Variants in PLA2G2C observed in about 807,000 individuals in gnomAD.
The protein encoded by PLA2G2C is putative inactive group IIC secretory phospholipase A2.
Under a neutral mutation model 14.3 loss-of-function variants are expected in PLA2G2C, and 15 were observed. The ratio of observed to expected loss-of-function variants is 1.05; its 90% CI spans 0.70 to 1.62. The LOEUF is 1.62. Among genes scored for constraint, PLA2G2C ranks in the 40% most tolerant of loss-of-function variants. PLA2G2C has a pLI of 0.00. For missense variants in PLA2G2C, 162 were observed against 173.2 expected (o/e 0.94, Z 0.36); for synonymous variants, 79 against 67.7 (o/e 1.17, Z -0.82).
At chr1:20,175,892 C>T (rs575607069) in intron 2 of PLA2G2C, among the ~76,000 whole-genome samples, 4 of 151,400 alleles carry the variant, frequency 2.6e-5, no homozygotes, top group South Asian at 2.1e-4. Flanking sequence ...TCATAATAAG[C>T]GTGTGTTCCC....
intron 1 of PLA2G2C, among the ~76,000 whole-genome samples, chr1:20,178,491 G>A (rs1438658856): frequency 6.6e-6 from 1 of 152,130 alleles, no homozygotes; most frequent in Non-Finnish European, 1.5e-5. Flanking sequence ...TTCCCCCTTT[G>A]GCAACATTCT....
chr1:20,164,498 A>C (rs1428016493), intron 4 of PLA2G2C, among the ~76,000 whole-genome samples: 1 of 152,194 alleles, frequency 6.6e-6, no homozygotes, highest in Non-Finnish European at 1.5e-5. Flanking sequence ...ACATCTGGGC[A>C]TCCCACGAGT....
At chr1:20,165,775 C>T (rs572829415) in intron 4 of PLA2G2C, among the ~76,000 whole-genome samples, 20 of 151,802 alleles carry the variant, frequency 1.3e-4, no homozygotes, top group African/African-American at 4.1e-4. Flanking sequence ...TGTGTATGTG[C>T]GTGCGCATGT....
chr1:20,168,383 A>G lies in PLA2G2C; in HGVS notation c.284-4226T>C, dbSNP rs2018012066. ...CAGCAGACCCCACACTGCTTAGTCC[A>G]GGGGCATCATTCCCTGTGGGCTCTA... On this transcript the variant is annotated intron_variant, in intron 4 of 4. Coordinates refer to ENST00000679259, the MANE Select transcript of PLA2G2C (RefSeq NM_001367969.2). Among the ~76,000 whole-genome samples, 4 of 152,228 alleles carry G rather than the reference A, an allele frequency of 2.6e-5. No homozygotes were observed. The South Asian group carries it at 8.3e-4, about 32-fold the overall frequency.
rs780076737 is a variant in PLA2G2C, at chr1:20,172,813, G to T, written c.264C>A (p.Ile88=). The change falls in exon 4 of 5, where the codon ATC becomes ATA. Residue 88 remains isoleucine (I), a synonymous_variant. Coordinates refer to ENST00000679259, the MANE Select transcript of PLA2G2C (RefSeq NM_001367969.2). The stretch of plus-strand genomic sequence containing the variant: ...ACTCACAAACCACTGCGCCATTGAC[G>T]ATGTGGAACTGGTAGCTGTTCAACA... ...QPVLNSYQFH[I]VNGAVVCGCT... The T allele has an allele frequency of 1.9e-6, 3 of 1,613,602 alleles. No homozygotes were observed. Among genetic ancestry groups the T allele is most frequent in the Non-Finnish European group, 2.5e-6 (3 of 1,179,652 alleles).
rs78123667 is a variant in PLA2G2C at position 20,167,512 on chromosome 1, G to A, written c.284-3355C>T. Among the ~76,000 whole-genome samples, 343 of 152,216 alleles carry A rather than the reference G, an allele frequency of 2.3e-3. 5 individuals carry two copies. In the East Asian group the frequency reaches 0.057, roughly 25 times the overall value. On this transcript the variant is annotated intron_variant, in intron 4 of 4. Coordinates refer to ENST00000679259, the MANE Select transcript of PLA2G2C (RefSeq NM_001367969.2). ...CTGACCCTACCCGCACAGCATTGCC[G>A]ACATCTGACACTTCCCATCCCCATT... is the stretch of plus-strand genomic sequence containing the variant.
chr1:20,185,216 G>C lies in PLA2G2C; in HGVS notation c.-77+1144C>G, dbSNP rs573192123. Among the ~76,000 whole-genome samples, 12 of 152,294 alleles carry C rather than the reference G, an allele frequency of 7.9e-5. No individual in the cohort carries two copies. The East Asian group carries it at 9.7e-4, about 12-fold the overall frequency. Reference sequence around the variant, plus strand: ...TGGGGATGGAAGTGCAGGGCTGAGAGTCTAACTGAGGTTAGAGACCTCGTG... The same window carrying C: ...TGGGGATGGAAGTGCAGGGCTGAGACTCTAACTGAGGTTAGAGACCTCGTG... On this transcript the variant is annotated intron_variant, in intron 1 of 4. Transcript: ENST00000679259.
At chr1:20,179,454 C>T (rs1213194155) in intron 1 of PLA2G2C, among the ~76,000 whole-genome samples, 2 of 148,266 alleles carry the variant, frequency 1.3e-5, no homozygotes, top group South Asian at 2.1e-4. Flanking sequence ...TCAGCTTCTC[C>T]GTGTCAGCTT....
At position 20,164,022 on chromosome 1, in the gene PLA2G2C, G is replaced by A. The variant is rs751222099; in HGVS notation, c.419C>T (p.Pro140Leu). ...CCAGGGCTTATGTCTGCCACACCTG[G>A]GCTGGCTGGAGAACTGCTTGAAGTT... ...EKNFKQFSSQ[P>L]RCGRHKPWC is the part of the protein sequence containing the mutation. The change falls in exon 5 of 5, where the codon CCC (proline) becomes CTC (leucine). Residue 140 changes from proline to leucine, a missense_variant. Pro to Leu is a moderately conservative substitution (Grantham distance 98). Transcript: ENST00000679259. The A allele has an allele frequency of 6.2e-7, 1 of 1,613,428 alleles. No individual in the cohort carries two copies. The highest frequency in any genetic ancestry group is 8.5e-7 in the Non-Finnish European group (1 of 1,179,686).
chr1:20,168,271 T>C (rs1459384402), intron 4 of PLA2G2C, among the ~76,000 whole-genome samples: 1 of 152,238 alleles, frequency 6.6e-6, no homozygotes, highest in Non-Finnish European at 1.5e-5. Flanking sequence ...ATGAGTGCTT[T>C]TGTTCATCTA....
At chr1:20,164,788 C>A (rs546170587) in intron 4 of PLA2G2C, among the ~76,000 whole-genome samples, 4 of 152,250 alleles carry the variant, frequency 2.6e-5, no homozygotes, top group Non-Finnish European at 5.9e-5. Context: ...CTCGCTGCCC[C>A]CGCTCCTTCC....
chr1:20,171,800 G>T (rs1283270826), intron 4 of PLA2G2C, among the ~76,000 whole-genome samples: 3 of 137,618 alleles, frequency 2.2e-5, no homozygotes, highest in East Asian at 2.1e-4. Flanking sequence ...CTCGCTCTGT[G>T]GCCCAGGCGG....
chr1:20,166,147 C>T (rs1251572548), intron 4 of PLA2G2C, among the ~76,000 whole-genome samples: 1 of 152,210 alleles, frequency 6.6e-6, no homozygotes, highest in African/African-American at 2.4e-5. Flanking sequence ...CACTCCAGCT[C>T]CACGTGGAGA....
intron 4 of PLA2G2C, among the ~76,000 whole-genome samples, chr1:20,167,857 C>T (rs966228969): frequency 6.6e-6 from 1 of 152,244 alleles, no homozygotes; most frequent in African/African-American, 2.4e-5. Context: ...CTAAAGCAGG[C>T]ACCCTTCTGT....
intron 3 of PLA2G2C, 73 bp from the exon 4 acceptor site, chr1:20,172,970 C>T: frequency 9.1e-7 from 1 of 1,100,350 alleles, no homozygotes; most frequent in Non-Finnish European, 1.4e-6. Flanking sequence ...CTGCCTCCTC[C>T]TCTAGGCAAG....
intron 2 of PLA2G2C, 40 bp from the exon 3 acceptor site, chr1:20,175,185 C>T (rs760408048): frequency 1.9e-6 from 3 of 1,613,686 alleles, no homozygotes; most frequent in Admixed American, 3.3e-5. Flanking sequence ...AAGGAAGTTG[C>T]AATGAGCATG....
chr1:20,171,347 G>A (rs1440866262), intron 4 of PLA2G2C, among the ~76,000 whole-genome samples: 1 of 152,206 alleles, frequency 6.6e-6, no homozygotes, highest in South Asian at 2.1e-4. Context: ...GAACAAAAGG[G>A]GGTTCTTTCC....
intron 1 of PLA2G2C, among the ~76,000 whole-genome samples, chr1:20,178,900 T>G (rs1329585712): frequency 6.6e-6 from 1 of 152,198 alleles, no homozygotes; most frequent in Non-Finnish European, 1.5e-5. Flanking sequence ...TCTGTTTGGT[T>G]CTCCATTAGT....
At position 20,175,014 on chromosome 1, in the gene PLA2G2C, T is replaced by C. The variant is rs766271947; in HGVS notation, c.172A>G (p.Thr58Ala). 4 of 1,613,358 alleles carry C rather than the reference T, an allele frequency of 2.5e-6. No individual in the cohort carries two copies. The highest frequency in any genetic ancestry group is 3.4e-6 in the Non-Finnish European group (4 of 1,179,710). Residue 58 changes from threonine (T) to alanine (A), a missense_variant, in exon 3 of 5, where the codon ACT becomes GCT. Transcript: ENST00000679259. ...TAGAGCCTCTGCACCCACCTGTCAG[T>C]GTCATCCACGGGGATCCCTTTATCC... is the stretch of plus-strand genomic sequence containing the variant. ...LGDKGIPVDD[T>A]DRHSPSSPSP...
Sources: allele counts gnomAD v4.1 joint callset (sites outside exome capture counted in the v4.1 genomes callset), GRCh38; gene constraint gnomAD v4.1.1; transcripts MANE v1.5; gene names NCBI Gene and HGNC (gene_info 2026-07-23, HGNC 2026-07-21).